The following MYH10 variants were observed in gnomAD, a reference collection of about 807,000 sequenced individuals.
MYH10 encodes the protein myosin-10.
A neutral mutation model predicts 257.8 loss-of-function variants in MYH10; 55 were observed. That is an observed-to-expected ratio of 0.21 (90% CI 0.17 to 0.27). MYH10 has a LOEUF of 0.27. MYH10 is among the 10% of genes least tolerant of loss of function. The probability of loss-of-function intolerance (pLI) is 1.00; values close to 1 mark genes in which losing one functional copy is unlikely to be tolerated. For synonymous variants in MYH10, 854 were observed against 921.7 expected (o/e 0.93, Z 1.33); for missense variants, 1,631 against 2,500.6 (o/e 0.65, Z 7.42).
rs1003500670 is a variant in MYH10, at chr17:8,530,616, C to T, written c.1957+7G>A. Reference sequence around the variant, plus strand: ...TTTTGGAAGACCTACAGGCTTTATACATTCACCTGGTGGCTCATGAAGACC... The same window carrying T: ...TTTTGGAAGACCTACAGGCTTTATATATTCACCTGGTGGCTCATGAAGACC... On this transcript the variant is annotated splice_region_variant and intron_variant, in intron 17 of 42. Coordinates refer to ENST00000360416, the MANE Select transcript of MYH10 (RefSeq NM_001256012.3). The T allele has an allele frequency of 6.5e-6, 9 of 1,380,538 alleles. No homozygotes were observed. The highest frequency in any genetic ancestry group is 8.7e-6 in the Non-Finnish European group (9 of 1,038,964). The allele number at this position is 1,380,538 out of a possible 1,614,324, so 85.5% of individuals were successfully genotyped here.
At chr17:8,483,099 C>T (rs866108238) in intron 37 of MYH10, among the ~76,000 whole-genome samples, 43 of 152,116 alleles carry the variant, frequency 2.8e-4, no homozygotes, top group Middle Eastern at 3.4e-3. Context: ...AAATTTAAAC[C>T]GCAAGCTTAA....
rs777220262 is a variant in MYH10 at position 8,552,240 on chromosome 17, C to A, written c.821-96G>T. 86 of 513,896 alleles carry A rather than the reference C, an allele frequency of 1.7e-4. No individual in the cohort carries two copies. The highest frequency in any genetic ancestry group is 4.2e-4 in the Admixed American group (11 of 25,974). The allele number at this position is 513,896 out of a possible 1,614,324, so 31.8% of individuals were successfully genotyped here. ...TCTGTAAATTTAAATCATAAAACAT[C>A]TTCTTTCTCTGATTATTATATAAAC... On this transcript the variant is annotated intron_variant, in intron 8 of 42. Coordinates refer to ENST00000360416, the MANE Select transcript of MYH10 (RefSeq NM_001256012.3). The surrounding 1 kb of genome is among the most constrained non-coding windows in gnomAD (Gnocchi z 4.8).
At chr17:8,480,558 C>T (rs1291364170) in intron 38 of MYH10, 33 bp from the exon 39 acceptor site, 1 of 1,600,594 alleles carries the variant, frequency 6.2e-7, no homozygotes, top group Non-Finnish European at 8.5e-7. Context: ...ACGGTTCAAT[C>T]CCAGCTCAGC....
chr17:8,509,277 A>G (rs575036047), intron 25 of MYH10, among the ~76,000 whole-genome samples: 2 of 152,348 alleles, frequency 1.3e-5, no homozygotes, highest in South Asian at 2.1e-4. Context: ...CCTAGATGCA[A>G]TCAGCCCAGC....
chr17:8,576,495 G>C, intron 6 of MYH10, 148 bp downstream of exon 6: 3 of 715,476 alleles, frequency 4.2e-6, no homozygotes, highest in Non-Finnish European at 6.9e-6. Flanking sequence ...AAAGAATAAG[G>C]CTCTAAGCAA....
chr17:8,625,969 T>C (rs1015090451), intron 1 of MYH10, among the ~76,000 whole-genome samples: 3 of 152,200 alleles, frequency 2.0e-5, no homozygotes, highest in African/African-American at 7.2e-5. Context: ...ACAATTTAAA[T>C]AACATGTTGA....
intron 32 of MYH10, among the ~76,000 whole-genome samples, 168 bp from the exon 33 acceptor site, chr17:8,493,192 T>C (rs902026615): frequency 1.1e-4 from 16 of 152,030 alleles, no homozygotes; most frequent in African/African-American, 2.4e-4. Context: ...AAACCTCATC[T>C]CTACTAAAAA....
intron 7 of MYH10, among the ~76,000 whole-genome samples, chr17:8,555,424 G>A (rs1482153970): frequency 2.6e-5 from 4 of 152,116 alleles, no homozygotes; most frequent in Non-Finnish European, 4.4e-5. Context: ...GTGTGGTATT[G>A]GTGTAAAGAC....
At chr17:8,548,516 A>G (rs1408156898) in intron 10 of MYH10, 108 bp from the exon 11 acceptor site, 57 of 1,405,836 alleles carry the variant, frequency 4.1e-5, no homozygotes, top group Middle Eastern at 3.7e-4. Context: ...ACTTTTCAGT[A>G]AGACATGTCT....
chr17:8,507,552 T>G (rs2081111955), intron 26 of MYH10, among the ~76,000 whole-genome samples: 1 of 152,196 alleles, frequency 6.6e-6, no homozygotes. Context: ...AGTCCCTTTG[T>G]GAGGTACTTT....
At chr17:8,576,731 T>C (rs1015979127) in intron 5 of MYH10, 59 bp from the exon 6 acceptor site, 5 of 1,504,706 alleles carry the variant, frequency 3.3e-6, no homozygotes, top group African/African-American at 1.4e-5. Context: ...TGCCTAGCAG[T>C]AAGCCATTTC....
At chr17:8,480,587 G>A (rs571577197) in intron 38 of MYH10, 62 bp from the exon 39 acceptor site, 17 of 1,590,242 alleles carry the variant, frequency 1.1e-5, no homozygotes, top group Middle Eastern at 1.9e-4. Context: ...GGAGCCTCAG[G>A]GAAGGCTCCT....
Position 8,511,071 on chromosome 17 carries a change from T to TAAAC in MYH10, c.2953-1123_2953-1122insGTTT, listed in dbSNP as rs1336387130. The TAAAC allele has an allele frequency of 3.6e-4, 30 of 82,324 alleles. 2 individuals are homozygous for TAAAC. The highest frequency in any genetic ancestry group is 2.0e-3 in the African/African-American group (29 of 14,404). 5.1% of individuals were successfully genotyped at this position (82,324 alleles called of 1,614,324 possible). ...ATATATATATATATACACACATACATACATACACACACACACACTTAATAT... is the reference window on the plus strand; with the variant it reads ...ATATATATATATATACACACATACATAAACACATACACACACACACACTTAATAT... On this transcript the variant is annotated intron_variant, in intron 24 of 42. Coordinates refer to ENST00000360416, the MANE Select transcript of MYH10 (RefSeq NM_001256012.3).
chr17:8,542,341 T>C (rs1169703011), intron 13 of MYH10, 61 bp from the exon 14 acceptor site: 2 of 1,442,182 alleles, frequency 1.4e-6, no homozygotes, highest in Admixed American at 2.0e-5. Context: ...TGGGAATAAT[T>C]AGTTATGTAG....
rs1384368331 is a variant in MYH10, at chr17:8,524,343, G to A, written c.1958-3058C>T. 5.9e-5 allele frequency among the ~76,000 whole-genome samples: 9 copies of A among 151,482 alleles called. No individual in the cohort carries two copies. In the East Asian group the frequency reaches 9.7e-4, roughly 16 times the overall value. On this transcript the variant is annotated intron_variant, in intron 17 of 42. Coordinates refer to ENST00000360416, the MANE Select transcript of MYH10 (RefSeq NM_001256012.3). ...TGCACACCTGTAGTTCCAGCTACTC[G>A]GAAGGCTGAGGCAGGAGAATTGCCT... is the stretch of plus-strand genomic sequence containing the variant.
At chr17:8,589,046 T>C (rs2152045526) in intron 4 of MYH10, 35 bp downstream of exon 4, 1 of 1,609,426 alleles carries the variant, frequency 6.2e-7, no homozygotes. Context: ...TCCAAGAAAA[T>C]CAAAAACAAA....
intron 9 of MYH10, 71 bp downstream of exon 9, chr17:8,551,974 TG>T (rs2082657171): frequency 3.6e-6 from 3 of 821,972 alleles, no homozygotes; most frequent in Non-Finnish European, 5.4e-6. Context: ...TTCCCAAAAT[TG>T]TTTTTTCTCA....
chr17:8,518,104 CGTGTGTGTGTGT>C (rs58352961), intron 21 of MYH10, among the ~76,000 whole-genome samples: 39 of 116,580 alleles, frequency 3.3e-4, no homozygotes, highest in East Asian at 1.6e-3. Flanking sequence ...CCCTTGGCCC[CGTGTGTGTGTGT>C]GTGTGTGTGT....
chr17:8,516,193 G>A (rs2081463092), intron 21 of MYH10, among the ~76,000 whole-genome samples: 2 of 152,180 alleles, frequency 1.3e-5, no homozygotes, highest in Non-Finnish European at 2.9e-5. Flanking sequence ...ACCTATCTCC[G>A]AGTGTTTGGA....
Sources: gnomAD v4.1 joint callset for allele counts (sites outside exome capture counted in the v4.1 genomes callset) on GRCh38, gnomAD v4.1.1 for gene constraint, Gnocchi (gnomAD v3.1) non-coding constraint, MANE v1.5 for transcripts, NCBI Gene and HGNC (gene_info 2026-07-23, HGNC 2026-07-21) for gene names.